The following NCKAP5 variants were observed in gnomAD, a reference collection of about 807,000 sequenced individuals.
NCKAP5 encodes the protein NCK associated protein 5, also known as nck-associated protein 5.
NCKAP5 carries 92 observed loss-of-function variants against 167.0 expected under a neutral mutation model. That is an observed-to-expected ratio of 0.55 (90% confidence interval 0.47 to 0.66). The LOEUF (loss-of-function observed/expected upper bound fraction) is 0.66, where lower values mean the gene tolerates loss of function less well. Among genes scored for constraint, NCKAP5 ranks in the 30% least tolerant of loss-of-function variants. The pLI, the probability that NCKAP5 is intolerant of heterozygous loss-of-function variation, is 0.00. For synonymous variants in NCKAP5, 891 were observed against 877.4 expected (o/e 1.02, Z -0.27); for missense variants, 2,378 against 2,315.0 (o/e 1.03, Z -0.56).
intron 6 of NCKAP5, chr2:133,118,552 G>A (rs992471524): frequency 6.6e-6 from 1 of 152,022 alleles, no homozygotes; most frequent in Admixed American, 6.6e-5. Flanking sequence ...TATGTGCCAG[G>A]CTAAAATCAT....
intron 4 of NCKAP5, among the ~76,000 whole-genome samples, chr2:133,252,912 A>C (rs538815955): frequency 1.3e-5 from 2 of 152,324 alleles, no homozygotes; most frequent in African/African-American, 4.8e-5. Flanking sequence ...ACCCTTTACC[A>C]TTGTCCTTCA....
In NCKAP5 at chr2:132,690,678, T is replaced by C. The variant is rs181748890; in HGVS notation, c.5714-17373A>G. The stretch of plus-strand genomic sequence containing the variant: ...CTTTCCCCTGCTCCACTCTGCACCA[T>C]AGGAACTACATTTTCCAGGCTCCCT... On this transcript the variant is annotated intron_variant, in intron 19 of 19. Transcript: ENST00000409261. Among the ~76,000 whole-genome samples, 6 of 152,280 alleles carry C rather than the reference T, an allele frequency of 3.9e-5. No individual in the cohort carries two copies. In the East Asian group the frequency reaches 9.7e-4, roughly 25 times the overall value.
intron 4 of NCKAP5, among the ~76,000 whole-genome samples, chr2:133,247,546 T>C (rs1461900583): frequency 2.6e-5 from 4 of 152,146 alleles, no homozygotes; most frequent in Non-Finnish European, 5.9e-5. Context: ...AAACCCAAGG[T>C]CTTACGCTAT....
intron 5 of NCKAP5, among the ~76,000 whole-genome samples, chr2:133,175,787 G>A (rs921729552): frequency 6.6e-6 from 1 of 152,148 alleles, no homozygotes; most frequent in South Asian, 2.1e-4. Context: ...ATTGGGTTAG[G>A]AGCCACCATG....
At chr2:133,505,139 T>C (rs76995020) in intron 3 of NCKAP5, among the ~76,000 whole-genome samples, 4,106 of 152,176 alleles carry the variant, frequency 0.027, 74 homozygotes, top group Non-Finnish European at 0.039. Context: ...AATTACCTGT[T>C]ATAAATAGAC....
intron 3 of NCKAP5, among the ~76,000 whole-genome samples, chr2:133,306,552 C>A (rs917621223): frequency 1.3e-5 from 2 of 152,132 alleles, no homozygotes; most frequent in Non-Finnish European, 2.9e-5. Context: ...GATGAAAAGA[C>A]AGCAGAATTA....
chr2:133,458,063 A>C (rs1042318553), intron 3 of NCKAP5, among the ~76,000 whole-genome samples: 9 of 152,170 alleles, frequency 5.9e-5, no homozygotes, highest in Admixed American at 3.3e-4. Context: ...CTATGTTAAA[A>C]ATTCTGAGAT....
chr2:133,532,535 C>G (rs1258065602), intron 2 of NCKAP5, among the ~76,000 whole-genome samples: 2 of 152,146 alleles, frequency 1.3e-5, no homozygotes, highest in Non-Finnish European at 2.9e-5. Context: ...ATCAGATGGG[C>G]TCTGGCAGTG....
At chr2:133,124,799 G>A (rs1200513403) in intron 6 of NCKAP5, among the ~76,000 whole-genome samples, 1 of 152,206 alleles carries the variant, frequency 6.6e-6, no homozygotes, top group Non-Finnish European at 1.5e-5. Context: ...TGGTTCACCA[G>A]CACGTTGGGA....
chr2:133,197,958 AAG>A (rs1553572872), intron 5 of NCKAP5, among the ~76,000 whole-genome samples: 1 of 152,192 alleles, frequency 6.6e-6, no homozygotes, highest in African/African-American at 2.4e-5. Flanking sequence ...CAGAAAAAAA[AAG>A]AGTAAACTCT....
chr2:132,706,550 C>T (rs1477600681), intron 19 of NCKAP5, among the ~76,000 whole-genome samples: 1 of 152,102 alleles, frequency 6.6e-6, no homozygotes, highest in Non-Finnish European at 1.5e-5. Context: ...TCTATATTAG[C>T]TTCTCCTCCA....
At chr2:133,232,955 A>G (rs978377752) in intron 4 of NCKAP5, among the ~76,000 whole-genome samples, 10 of 152,224 alleles carry the variant, frequency 6.6e-5, no homozygotes, top group Admixed American at 5.2e-4. Context: ...AGTAATAACA[A>G]TTACAAGGCA....
chr2:133,550,563 A>T (rs1224049290), intron 2 of NCKAP5, among the ~76,000 whole-genome samples: 3 of 117,514 alleles, frequency 2.6e-5, no homozygotes, highest in African/African-American at 9.4e-5. Flanking sequence ...CATGCTAAAA[A>T]CTCTCAATAA....
At position 132,690,696 on chromosome 2, in the gene NCKAP5, G is replaced by A. The variant is rs571905978; in HGVS notation, c.5714-17391C>T. Among the ~76,000 whole-genome samples, 5 of 152,272 alleles carry A rather than the reference G, an allele frequency of 3.3e-5. No individual in the cohort carries two copies. The South Asian group carries it at 1.0e-3, about 32-fold the overall frequency. On this transcript the variant is annotated intron_variant, in intron 19 of 19. Coordinates refer to ENST00000409261, the MANE Select transcript of NCKAP5 (RefSeq NM_207363.3). ...TGCACCATAGGAACTACATTTTCCA[G>A]GCTCCCTTTATTTCTGGCTTCTGGG...
chr2:133,517,762 T>C (rs1684130730), intron 2 of NCKAP5, among the ~76,000 whole-genome samples, 175 bp from the exon 3 acceptor site: 1 of 152,212 alleles, frequency 6.6e-6, no homozygotes, highest in South Asian at 2.1e-4. Context: ...ATGTCAGAGT[T>C]GTCTTTATGG....
At chr2:133,386,907 T>C (rs1687013599) in intron 3 of NCKAP5, among the ~76,000 whole-genome samples, 1 of 152,188 alleles carries the variant, frequency 6.6e-6, no homozygotes, top group South Asian at 2.1e-4. Context: ...TGGTAGATCA[T>C]CCTCCATCCC....
At chr2:133,393,949 A>G (rs750866448) in intron 3 of NCKAP5, among the ~76,000 whole-genome samples, 7 of 152,236 alleles carry the variant, frequency 4.6e-5, no homozygotes, top group African/African-American at 7.2e-5. Context: ...GACAAAAAAT[A>G]ATGTGAGAGA....
At chr2:132,925,001 T>C (rs1695741921) in intron 8 of NCKAP5, among the ~76,000 whole-genome samples, 1 of 152,166 alleles carries the variant, frequency 6.6e-6, no homozygotes, top group South Asian at 2.1e-4. Context: ...ATGTTTTGCA[T>C]CTCATACCCC....
In NCKAP5 at chr2:133,441,548, C is replaced by A. The variant is rs187245523; in HGVS notation, c.69+75910G>T. Among the ~76,000 whole-genome samples, 276 of 152,278 alleles carry A rather than the reference C, an allele frequency of 1.8e-3. 1 individual carries two copies. The highest frequency in any genetic ancestry group is 6.1e-3 in the African/African-American group (253 of 41,558). ...CAAGAAAGTCTAGGTACAAATTGCC[C>A]ATGTAATCACACATCTGTGAATTTG... On this transcript the variant is annotated intron_variant, in intron 3 of 19. Coordinates refer to ENST00000409261, the MANE Select transcript of NCKAP5 (RefSeq NM_207363.3).
Sources: allele counts gnomAD v4.1 joint callset (sites outside exome capture counted in the v4.1 genomes callset), GRCh38; gene constraint gnomAD v4.1.1; transcripts MANE v1.5; gene names NCBI Gene and HGNC (gene_info 2026-07-23, HGNC 2026-07-21).